IGSF10: variants seen among roughly 807,000 people sequenced by gnomAD.
IGSF10 encodes the protein calvaria mechanical force protein 608.
Under a neutral mutation model 128.2 loss-of-function variants are expected in IGSF10, and 126 were observed. The observed-to-expected ratio is 0.98, with a 90% CI of 0.85 to 1.14. IGSF10 has a LOEUF of 1.14. IGSF10 is among the 50% of genes most tolerant of loss of function. The probability of loss-of-function intolerance (pLI) is 0.00; values close to 1 mark genes in which losing one functional copy is unlikely to be tolerated. For synonymous variants in IGSF10, 1,185 were observed against 1,146.2 expected, an observed-to-expected ratio of 1.03 and a Z score of -0.68; for missense variants, 3,295 against 3,149.8, an observed-to-expected ratio of 1.05 and a Z score of -1.10.
the IGSF10 span, among the ~76,000 whole-genome samples, chr3:151,582,884 C>A: frequency 6.6e-6 from 1 of 152,124 alleles, no homozygotes; most frequent in Non-Finnish European, 1.5e-5. Flanking sequence ...TCTAAATATT[C>A]TTTATCAGTT....
chr3:151,445,323 G>C lies in IGSF10; in HGVS notation c.4658C>G (p.Pro1553Arg). 1.2e-6 allele frequency: 2 copies of C among 1,614,204 alleles called. No homozygotes were observed. The highest frequency in any genetic ancestry group is 1.7e-6 in the Non-Finnish European group (2 of 1,180,034). The change falls in exon 6 of 8, where the codon CCA becomes CGA. Residue 1553 changes from proline (P) to arginine (R), a missense_variant. Transcript: ENST00000282466. ...YSNLLHSTPM[P>R]ALTTVKSQNS... ...CTGTGATTTAACTGTTGTTAGTGCT[G>C]GCATGGGAGTAGAATGTAACAGATT...
chr3:151,434,769 G>GCAAA (rs1719910167), downstream of IGSF10: 1 of 152,062 alleles, frequency 6.6e-6, no homozygotes, highest in African/African-American at 2.4e-5. Context: ...GCTCAGCATT[G>GCAAA]CAAACAACAG....
chr3:151,491,582 G>GACAA, the IGSF10 span, among the ~76,000 whole-genome samples: 706 of 152,072 alleles, frequency 4.6e-3, 6 homozygotes, highest in African/African-American at 0.016. Context: ...AGTTACAATA[G>GACAA]ACAAACAAAC....
rs372971163 is a variant in IGSF10, at chr3:151,447,796, G to A, written c.2185C>T (p.Arg729Cys). Reference sequence around the variant, plus strand: ...AAACGTCGATGTGTTGAATCTCCACGTCGCTGGAGTGTTAATTCCCGATAG... The same window carrying A: ...AAACGTCGATGTGTTGAATCTCCACATCGCTGGAGTGTTAATTCCCGATAG... ...HNYRELTLQR[R>C]GDSTHRRFRE... Residue 729 changes from arginine (R) to cysteine (C), a missense_variant, in exon 6 of 8, where the codon CGT (arginine) becomes TGT (cysteine). Transcript: ENST00000282466. 4.6e-5 allele frequency: 74 copies of A among 1,614,026 alleles called. 1 individual carries two copies. Among genetic ancestry groups the A allele is most frequent in the East Asian group, 2.0e-4 (9 of 44,886 alleles).
the IGSF10 span, among the ~76,000 whole-genome samples, chr3:151,506,151 C>T: frequency 9.2e-5 from 14 of 152,262 alleles, no homozygotes; most frequent in South Asian, 2.5e-3. Flanking sequence ...GACGGGGTTT[C>T]ACCATGTTGG....
chr3:151,602,324 A>G, the IGSF10 span, among the ~76,000 whole-genome samples: 2 of 152,188 alleles, frequency 1.3e-5, no homozygotes, highest in African/African-American at 2.4e-5. Context: ...TTTCATGCTC[A>G]CGCAAAATTT....
At chr3:151,494,477 T>G in the IGSF10 span, among the ~76,000 whole-genome samples, 3 of 152,006 alleles carry the variant, frequency 2.0e-5, no homozygotes, top group Admixed American at 2.0e-4. Flanking sequence ...AACTAAAAAT[T>G]TGGATTTTTT....
chr3:151,496,132 T>C, the IGSF10 span, among the ~76,000 whole-genome samples: 9 of 152,080 alleles, frequency 5.9e-5, no homozygotes, highest in Admixed American at 6.6e-5. Context: ...TTGGCTTGTA[T>C]GTACACGTGG....
chr3:151,520,124 C>T, the IGSF10 span, among the ~76,000 whole-genome samples: 3 of 151,626 alleles, frequency 2.0e-5, no homozygotes, highest in African/African-American at 7.3e-5. Flanking sequence ...TGGTAGCTTA[C>T]AAAACACACT....
downstream of IGSF10, chr3:151,432,929 T>G: frequency 1.4e-6 from 1 of 694,562 alleles, no homozygotes; most frequent in Admixed American, 3.6e-5. Context: ...CTATATTTTA[T>G]GCTACATCTC....
At chr3:151,619,413 T>C in the IGSF10 span, among the ~76,000 whole-genome samples, 1 of 148,872 alleles carries the variant, frequency 6.7e-6, no homozygotes, top group Non-Finnish European at 1.5e-5. Context: ...TATGAAATAG[T>C]ATTTCAATTA....
chr3:151,489,763 T>A, the IGSF10 span, among the ~76,000 whole-genome samples: 3 of 151,310 alleles, frequency 2.0e-5, no homozygotes, highest in East Asian at 1.9e-4. Flanking sequence ...TAAGTGGGAG[T>A]TGAATAATAA....
chr3:151,529,570 C>G, the IGSF10 span, among the ~76,000 whole-genome samples: 1 of 152,166 alleles, frequency 6.6e-6, no homozygotes, highest in Admixed American at 6.5e-5. Context: ...CAAACAGGGT[C>G]TGGAGTGGAC....
chr3:151,563,537 C>T, the IGSF10 span, among the ~76,000 whole-genome samples: 1 of 152,116 alleles, frequency 6.6e-6, no homozygotes, highest in Non-Finnish European at 1.5e-5. Flanking sequence ...ATCAAGCCAT[C>T]AGATACTCAA....
the IGSF10 span, among the ~76,000 whole-genome samples, chr3:151,568,885 A>G: frequency 6.6e-6 from 1 of 152,200 alleles, no homozygotes; most frequent in Non-Finnish European, 1.5e-5. Context: ...TCCAGCAGAA[A>G]GAAACTTAAT....
chr3:151,603,072 T>G, the IGSF10 span, among the ~76,000 whole-genome samples: 1 of 152,246 alleles, frequency 6.6e-6, no homozygotes, highest in Admixed American at 6.5e-5. Context: ...TAAACCTTCC[T>G]CTGGTTCTTG....
the IGSF10 span, among the ~76,000 whole-genome samples, chr3:151,598,095 G>GTGTGTC: frequency 6.7e-6 from 1 of 148,528 alleles, no homozygotes; most frequent in Non-Finnish European, 1.5e-5. Context: ...GTGTGTGTGT[G>GTGTGTC]TGTGTGTGTG....
chr3:151,498,158 C>A, the IGSF10 span, among the ~76,000 whole-genome samples: 1 of 152,000 alleles, frequency 6.6e-6, no homozygotes, highest in Admixed American at 6.6e-5. Flanking sequence ...AATTGAATAC[C>A]CTTTATTTCC....
At chr3:151,509,008 T>C in the IGSF10 span, among the ~76,000 whole-genome samples, 7 of 152,330 alleles carry the variant, frequency 4.6e-5, no homozygotes, top group South Asian at 1.4e-3. Flanking sequence ...AGTTAATTGC[T>C]TAACTCTGAT....
Sources: gnomAD v4.1 joint callset for allele counts (sites outside exome capture counted in the v4.1 genomes callset) on GRCh38, gnomAD v4.1.1 for gene constraint, MANE v1.5 for transcripts, NCBI Gene and HGNC (gene_info 2026-07-23, HGNC 2026-07-21) for gene names.